ZNF697: variants seen among roughly 807,000 people sequenced by gnomAD.
The protein encoded by ZNF697 is zinc finger protein 697.
Under a neutral mutation model 32.4 loss-of-function variants are expected in ZNF697, and 23 were observed. The observed-to-expected ratio is 0.71, with a 90% CI of 0.51 to 1.01. The LOEUF (loss-of-function observed/expected upper bound fraction) is 1.01, where lower values mean the gene tolerates loss of function less well. Among genes scored for constraint, ZNF697 ranks in the 50% least tolerant of loss-of-function variants. The pLI is 0.00. For missense variants in ZNF697, 930 were observed against 794.0 expected, an observed-to-expected ratio of 1.17 and a Z score of -2.06; for synonymous variants, 418 against 337.2, an observed-to-expected ratio of 1.24 and a Z score of -2.62.
At chr1:119,624,417 G>C (rs972485095) in intron 2 of ZNF697, among the ~76,000 whole-genome samples, 3 of 152,184 alleles carry the variant, frequency 2.0e-5, no homozygotes, top group Non-Finnish European at 4.4e-5. Flanking sequence ...CTGACTGCCT[G>C]TGTTCAGGAT....
intron 1 of ZNF697, among the ~76,000 whole-genome samples, chr1:119,632,909 T>C (rs929174619): frequency 2.0e-5 from 3 of 152,166 alleles, no homozygotes; most frequent in African/African-American, 4.8e-5. Context: ...ATATTTTCCT[T>C]ATATACAGGA....
At chr1:119,638,988 G>A (rs947764940) in intron 1 of ZNF697, among the ~76,000 whole-genome samples, 1 of 152,272 alleles carries the variant, frequency 6.6e-6, no homozygotes, top group African/African-American at 2.4e-5. Flanking sequence ...CACAATAGGG[G>A]AAAACAAGCT....
rs1570953176 is a variant in ZNF697 at position 119,647,892 on chromosome 1, A to C, written c.-239T>G. 6.6e-6 allele frequency: 1 copy of C among 152,240 alleles called. No individual in the cohort carries two copies. Among genetic ancestry groups the C allele is most frequent in the Admixed American group, 6.5e-5 (1 of 15,296 alleles). The allele number at this position is 152,240 out of a possible 1,614,324, so 9.4% of individuals were successfully genotyped here. ...CTTTGGGGGCGCGAGAGCACCCCATAAGCCCGGGGCCCTGCGCCCCAGGGG... is the reference window on the plus strand; with the variant it reads ...CTTTGGGGGCGCGAGAGCACCCCATCAGCCCGGGGCCCTGCGCCCCAGGGG... On this transcript the variant is annotated 5_prime_UTR_variant, in exon 1 of 3. Transcript: ENST00000421812.
At position 119,648,224 on chromosome 1, in the gene ZNF697, G is replaced by C. The variant is rs1301272711; in HGVS notation, c.-571C>G. Reference sequence around the variant, plus strand: ...TGGTTGGCTGGCTGGCTGGCTGGCTGGCTGGCTGGCTCGCTGGCTGGCTGC... The same window carrying C: ...TGGTTGGCTGGCTGGCTGGCTGGCTCGCTGGCTGGCTCGCTGGCTGGCTGC... On this transcript the variant is annotated 5_prime_UTR_variant, in exon 1 of 3. Coordinates refer to ENST00000421812, the MANE Select transcript of ZNF697 (RefSeq NM_001080470.2). Among the ~76,000 whole-genome samples the C allele has an allele frequency of 6.6e-6, 1 of 150,666 alleles. No individual in the cohort carries two copies. Among genetic ancestry groups the C allele is most frequent in the East Asian group, 1.9e-4 (1 of 5,170 alleles).
intron 1 of ZNF697, among the ~76,000 whole-genome samples, chr1:119,641,020 G>A (rs1195886019): frequency 6.6e-6 from 1 of 152,180 alleles, no homozygotes; most frequent in African/African-American, 2.4e-5. Flanking sequence ...CCAGAATTAG[G>A]CTGGGAAACA....
chr1:119,627,359 C>G (rs1648619671), intron 1 of ZNF697, among the ~76,000 whole-genome samples: 1 of 152,218 alleles, frequency 6.6e-6, no homozygotes, highest in Non-Finnish European at 1.5e-5. Flanking sequence ...CCAGCTGGGT[C>G]AGCCTCACTA....
intron 1 of ZNF697, among the ~76,000 whole-genome samples, chr1:119,638,532 A>C (rs1460975067): frequency 6.6e-5 from 10 of 152,142 alleles, no homozygotes; most frequent in African/African-American, 9.7e-5. Flanking sequence ...CTTAGCACCC[A>C]CAATATTGCA....
At chr1:119,633,384 G>GTC (rs1276574133) in intron 1 of ZNF697, among the ~76,000 whole-genome samples, 1 of 136,550 alleles carries the variant, frequency 7.3e-6, no homozygotes, top group East Asian at 2.0e-4. Context: ...GTGTGTGTGT[G>GTC]TGTGTGTGTA....
Position 119,623,583 on chromosome 1 carries a change from G to T in ZNF697, c.760C>A (p.Arg254=), listed in dbSNP as rs994036558. 8 of 1,437,246 alleles carry T rather than the reference G, an allele frequency of 5.6e-6. No homozygotes were observed. The highest frequency in any genetic ancestry group is 1.5e-5 in the African/African-American group (1 of 65,518). 89.0% of individuals were successfully genotyped at this position (1,437,246 alleles called of 1,614,324 possible). Residue 254 remains arginine (R), a synonymous_variant, in exon 3 of 3, where the codon CGG becomes AGG. Transcript: ENST00000421812. ...GGFGAGPPLA[R]PPREKPFRCG... ...CGGAAGGGCTTTTCGCGCGGGGGCC[G>T]GGCCAGCGGGGGCCCGGCCCCGAAG...
rs1557932966 is a variant in ZNF697, at chr1:119,622,833, G to GGATAAAGCTCTTGCCGCACTC, written c.1489_1509dup (p.Glu497_Ile503dup). The GGATAAAGCTCTTGCCGCACTC allele has an allele frequency of 1.2e-6, 2 of 1,605,530 alleles. No individual in the cohort carries two copies. Among genetic ancestry groups the GGATAAAGCTCTTGCCGCACTC allele is most frequent in the Non-Finnish European group, 1.7e-6 (2 of 1,175,538 alleles). On this transcript the variant is annotated inframe_insertion, in exon 3 of 3. Coordinates refer to ENST00000421812, the MANE Select transcript of ZNF697 (RefSeq NM_001080470.2). ...CGGTGGCGGATCAGGTGGGAGCTCT[G>GGATAAAGCTCTTGCCGCACTC]GATAAAGCTCTTGCCGCACTCGATG...
intron 1 of ZNF697, among the ~76,000 whole-genome samples, chr1:119,641,379 C>T (rs2101095330): frequency 6.6e-6 from 1 of 151,908 alleles, no homozygotes; most frequent in Admixed American, 6.6e-5. Flanking sequence ...ATGGGGAAAG[C>T]TCATATACTA....
At chr1:119,626,367 G>A (rs1648591367) in intron 1 of ZNF697, among the ~76,000 whole-genome samples, 1 of 152,164 alleles carries the variant, frequency 6.6e-6, no homozygotes, top group Admixed American at 6.5e-5. Context: ...ACTCTCACTG[G>A]ACCAAATCTT....
chr1:119,627,021 C>T (rs905718902), intron 1 of ZNF697, among the ~76,000 whole-genome samples: 2 of 152,204 alleles, frequency 1.3e-5, no homozygotes, highest in Non-Finnish European at 1.5e-5. Flanking sequence ...CTTTTGTAGA[C>T]GTCAGGATAA....
intron 1 of ZNF697, among the ~76,000 whole-genome samples, chr1:119,643,873 A>C (rs1291987372): frequency 6.6e-6 from 1 of 152,240 alleles, no homozygotes. Flanking sequence ...CTCTTTTGGA[A>C]GTTACATGAA....
chr1:119,639,370 A>T (rs1649004414), intron 1 of ZNF697, among the ~76,000 whole-genome samples: 1 of 152,102 alleles, frequency 6.6e-6, no homozygotes, highest in African/African-American at 2.4e-5. Flanking sequence ...CCCCTAAGTG[A>T]CTTGGTCATA....
At chr1:119,643,509 C>G (rs946126000) in intron 1 of ZNF697, among the ~76,000 whole-genome samples, 2 of 152,130 alleles carry the variant, frequency 1.3e-5, no homozygotes, top group Admixed American at 6.6e-5. Context: ...CACCCAAAGA[C>G]GAGAAGCTAC....
chr1:119,626,900 G>A (rs985693260), intron 1 of ZNF697, among the ~76,000 whole-genome samples: 83 of 152,116 alleles, frequency 5.5e-4, no homozygotes, highest in Non-Finnish European at 9.8e-4. Context: ...TACAGTATCC[G>A]AATTGTAGAG....
chr1:119,623,082 T>C lies in ZNF697; in HGVS notation c.1261A>G (p.Ser421Gly). 1 of 1,585,706 alleles carries C rather than the reference T, an allele frequency of 6.3e-7. No individual in the cohort carries two copies. The highest frequency in any genetic ancestry group is 1.1e-5 in the South Asian group (1 of 87,480). ...CSECGETFSVSSHLFTHKRTH... is the reference protein window; with the variant it reads ...CSECGETFSVGSHLFTHKRTH... ...CGCTTGTGCGTGAAGAGGTGCGAGCTGACGCTGAAGGTCTCGCCGCACTCG... is the reference window on the plus strand; with the variant it reads ...CGCTTGTGCGTGAAGAGGTGCGAGCCGACGCTGAAGGTCTCGCCGCACTCG... The change falls in exon 3 of 3, where the codon AGC becomes GGC. Residue 421 changes from serine (S) to glycine (G), a missense_variant. Coordinates refer to ENST00000421812, the MANE Select transcript of ZNF697 (RefSeq NM_001080470.2).
Position 119,622,800 on chromosome 1 carries a change from G to C in ZNF697, c.1543C>G (p.His515Asp). Residue 515 changes from histidine (H) to aspartate (D), a missense_variant, in exon 3 of 3, where the codon CAC becomes GAC. Transcript: ENST00000421812. ...CACTTGTGCGGCTTGTTGCCCGTGT[G>C]GATGCGGCGGTGGCGGATCAGGTGG... ...SSHLIRHRRI[H>D]TGNKPHKCAG... 6.3e-7 allele frequency: 1 copy of C among 1,597,332 alleles called. No homozygotes were observed. Among genetic ancestry groups the C allele is most frequent in the Non-Finnish European group, 8.5e-7 (1 of 1,171,248 alleles).
Sources: gnomAD v4.1 joint callset for allele counts (sites outside exome capture counted in the v4.1 genomes callset) on GRCh38, gnomAD v4.1.1 for gene constraint, MANE v1.5 for transcripts, NCBI Gene and HGNC (gene_info 2026-07-23, HGNC 2026-07-21) for gene names.